PLXNA4: variants seen among roughly 807,000 people sequenced by gnomAD.
The protein encoded by PLXNA4 is plexin A4, also known as plexin-A4.
Under a neutral mutation model 191.8 loss-of-function variants are expected in PLXNA4, and 44 were observed. The ratio of observed to expected loss-of-function variants is 0.23; its 90% CI spans 0.18 to 0.29. The LOEUF (loss-of-function observed/expected upper bound fraction) is 0.29. Among genes scored for constraint, PLXNA4 ranks in the 10% least tolerant of loss-of-function variants. PLXNA4 has a pLI of 1.00. For synonymous variants in PLXNA4, 1,082 were observed against 1,009.5 expected, an observed-to-expected ratio of 1.07 and a Z score of -1.36; for missense variants, 1,800 against 2,488.8, an observed-to-expected ratio of 0.72 and a Z score of 5.89.
rs1798558654 is a variant in PLXNA4 at position 132,508,165 on chromosome 7, T to C, written c.529A>G (p.Ser177Gly). The part of the protein sequence containing the change: ...GSVFGVIVSY[S>G]NLDDKLFIAT... ...ATGAACAGCTTGTCATCCAGGTTGC[T>C]GTAGGAGACGATCACTCCAAAGACT... is the stretch of plus-strand genomic sequence containing the variant. Residue 177 changes from serine to glycine, a missense_variant, in exon 2 of 32, where the codon AGC becomes GGC. By Grantham distance (56) the Ser-to-Gly change is moderately conservative (BLOSUM62 0). Transcript: ENST00000321063. This position sits in a 1 kb window ranked among gnomAD's most constrained non-coding sequence, Gnocchi z 4.4. The C allele has an allele frequency of 1.2e-6, 2 of 1,614,092 alleles. No homozygotes were observed. Among genetic ancestry groups the C allele is most frequent in the East Asian group, 4.5e-5 (2 of 44,888 alleles).
chr7:132,281,436 AG>A (rs1434966295), intron 4 of PLXNA4, among the ~76,000 whole-genome samples: 1 of 152,184 alleles, frequency 6.6e-6, no homozygotes, highest in East Asian at 1.9e-4. Flanking sequence ...TTTTTAACAA[AG>A]GGGTCAAAAT....
chr7:132,439,840 TAGAG>T (rs1225613229), intron 3 of PLXNA4, among the ~76,000 whole-genome samples: 1 of 152,188 alleles, frequency 6.6e-6, no homozygotes, highest in Non-Finnish European at 1.5e-5. Flanking sequence ...AGGGCACTAC[TAGAG>T]AGAGAAGCAC....
chr7:132,184,747 C>T (rs925498069), intron 16 of PLXNA4, among the ~76,000 whole-genome samples: 3 of 102,896 alleles, frequency 2.9e-5, no homozygotes, highest in Middle Eastern at 4.2e-3. Context: ...TGGGAAAGGG[C>T]AGGAACAAGA....
chr7:132,508,886 A>T lies in PLXNA4; in HGVS notation c.-86-107T>A. On this transcript the variant is annotated intron_variant, in intron 1 of 31. Transcript: ENST00000321063. This position sits in a 1 kb window ranked among gnomAD's most constrained non-coding sequence, Gnocchi z 4.4. ...AAATGTTCTGCACACACTGAGCAGAACTGCACTGGGGGGTGCTGGAGGCTG... is the reference window on the plus strand; with the variant it reads ...AAATGTTCTGCACACACTGAGCAGATCTGCACTGGGGGGTGCTGGAGGCTG... 1 of 1,159,432 alleles carries T rather than the reference A, an allele frequency of 8.6e-7. No homozygotes were observed. 71.8% of individuals were successfully genotyped at this position (1,159,432 alleles called of 1,614,324 possible). A position where few individuals can be genotyped will look rare whatever the true frequency, so the allele number is the denominator to read the frequency against.
At chr7:132,547,523 T>G (rs2116545680) in intron 1 of PLXNA4, among the ~76,000 whole-genome samples, 1 of 151,954 alleles carries the variant, frequency 6.6e-6, no homozygotes, top group African/African-American at 2.4e-5. Flanking sequence ...CAGGCATGGG[T>G]AAGTGTATAG....
At chr7:132,620,081 C>T (rs141417780) in intron 2 of PLXNA4, among the ~76,000 whole-genome samples, 2 of 152,170 alleles carry the variant, frequency 1.3e-5, no homozygotes, top group East Asian at 1.9e-4. Context: ...GGATTATAGG[C>T]GTGAGCCACC....
At chr7:132,148,263 G>T (rs909945972) in intron 26 of PLXNA4, among the ~76,000 whole-genome samples, 1 of 152,182 alleles carries the variant, frequency 6.6e-6, no homozygotes, top group Non-Finnish European at 1.5e-5. Context: ...TTCCCTGGAA[G>T]ATGACCCAGC....
chr7:132,284,682 T>G (rs544325041), intron 4 of PLXNA4, among the ~76,000 whole-genome samples: 1 of 152,294 alleles, frequency 6.6e-6, no homozygotes, highest in African/African-American at 2.4e-5. Flanking sequence ...TGGTCTGCTC[T>G]CGGTCACTCT....
chr7:132,559,819 T>C (rs1800956603), intron 1 of PLXNA4, among the ~76,000 whole-genome samples: 1 of 152,224 alleles, frequency 6.6e-6, no homozygotes, highest in African/African-American at 2.4e-5. Context: ...TTTTTCCCCA[T>C]GTATTGGAAA....
intron 3 of PLXNA4, among the ~76,000 whole-genome samples, chr7:132,486,754 G>A (rs531375133): frequency 2.6e-5 from 4 of 152,312 alleles, no homozygotes; most frequent in African/African-American, 9.6e-5. Context: ...GTAAAAGATG[G>A]GAATGCCGGC....
At chr7:132,433,479 G>C (rs1795353058) in intron 3 of PLXNA4, among the ~76,000 whole-genome samples, 2 of 152,180 alleles carry the variant, frequency 1.3e-5, no homozygotes, top group East Asian at 1.9e-4. Context: ...GGCCACAGCA[G>C]AACTGTTCTA....
intron 3 of PLXNA4, chr7:132,384,438 G>A (rs1805030249): frequency 4.1e-6 from 4 of 985,408 alleles, no homozygotes; most frequent in Non-Finnish European, 4.8e-6. Flanking sequence ...CTCTATGGGG[G>A]AATTATGGAA....
At chr7:132,188,130 G>C (rs2116780584) in intron 14 of PLXNA4, among the ~76,000 whole-genome samples, 1 of 152,160 alleles carries the variant, frequency 6.6e-6, no homozygotes, top group East Asian at 1.9e-4. Flanking sequence ...TCTCTACAAA[G>C]AGCTGCCCAA....
chr7:132,304,819 C>A (rs760274198), intron 3 of PLXNA4, among the ~76,000 whole-genome samples: 60 of 152,202 alleles, frequency 3.9e-4, no homozygotes, highest in Non-Finnish European at 6.8e-4. Flanking sequence ...TGCTGCAACC[C>A]CTTTGTGTCT....
Position 132,168,292 on chromosome 7 carries a change from C to A in PLXNA4, c.4286+12G>T. The A allele has an allele frequency of 6.5e-7, 1 of 1,527,464 alleles. No individual in the cohort carries two copies. Among genetic ancestry groups the A allele is most frequent in the Admixed American group, 2.0e-5 (1 of 51,064 alleles). The allele number at this position is 1,527,464 out of a possible 1,614,324, so 94.6% of individuals were successfully genotyped here. On this transcript the variant is annotated intron_variant, in intron 22 of 31. Coordinates refer to ENST00000321063, the MANE Select transcript of PLXNA4 (RefSeq NM_020911.2). ...CTAGGCTGGAGCAGGGTGCCCCAGA[C>A]TGCACCCTCACCTCCTGAGCAGCAG...
At chr7:132,635,910 T>G (rs1803595612) in intron 2 of PLXNA4, among the ~76,000 whole-genome samples, 1 of 152,160 alleles carries the variant, frequency 6.6e-6, no homozygotes, top group East Asian at 1.9e-4. Flanking sequence ...ATGAATGGCA[T>G]GTATTTATCT....
rs796962995 is a variant in PLXNA4 at position 132,536,775 on chromosome 7, G to A, written c.-86-27996C>T. On this transcript the variant is annotated intron_variant, in intron 1 of 31. Transcript: ENST00000321063. Reference sequence around the variant, plus strand: ...AGCAACTCATACACCACCCCTAAGCGAGGAAATGCTGCCCTAAACGTATGG... The same window carrying A: ...AGCAACTCATACACCACCCCTAAGCAAGGAAATGCTGCCCTAAACGTATGG... 1.2e-4 allele frequency among the ~76,000 whole-genome samples: 19 copies of A among 152,354 alleles called. 1 individual carries two copies. Among genetic ancestry groups the A allele is most frequent in the African/African-American group, 4.3e-4 (18 of 41,582 alleles).
chr7:132,395,210 C>A (rs376365480), intron 3 of PLXNA4, among the ~76,000 whole-genome samples: 9 of 152,184 alleles, frequency 5.9e-5, no homozygotes, highest in African/African-American at 2.2e-4. Context: ...ACAGCCTGCC[C>A]TCCAGGCTCC....
chr7:132,208,751 G>A (rs1485246251), intron 10 of PLXNA4, among the ~76,000 whole-genome samples: 4 of 152,120 alleles, frequency 2.6e-5, no homozygotes, highest in Non-Finnish European at 4.4e-5. Flanking sequence ...CAGACTGTGC[G>A]CACACTGGAG....
Sources: gnomAD v4.1 joint callset for allele counts (sites outside exome capture counted in the v4.1 genomes callset) on GRCh38, gnomAD v4.1.1 for gene constraint, Gnocchi (gnomAD v3.1) non-coding constraint, MANE v1.5 for transcripts, NCBI Gene and HGNC (gene_info 2026-07-23, HGNC 2026-07-21) for gene names.